Variants in SEM1 observed in about 807,000 individuals in gnomAD.
The protein encoded by SEM1 is 26S proteasome complex subunit SEM1.
SEM1 carries 3 observed loss-of-function variants against 12.7 expected under a neutral mutation model. The ratio of observed to expected loss-of-function variants is 0.24; its 90% CI spans 0.11 to 0.61. The LOEUF is 0.61. Among genes scored for constraint, SEM1 ranks in the 20% least tolerant of loss-of-function variants. The pLI, the probability that SEM1 is intolerant of heterozygous loss-of-function variation, is 0.88. For missense variants in SEM1, 59 were observed against 81.3 expected (o/e 0.73, Z 1.06); for synonymous variants, 30 against 27.8 (o/e 1.08, Z -0.25).
chr7:96,495,902 C>G (rs898865835), intron 1 of SEM1, among the ~76,000 whole-genome samples: 4 of 152,044 alleles, frequency 2.6e-5, no homozygotes, highest in African/African-American at 9.7e-5. Context: ...TGAGATCTAT[C>G]TCTCCCCCTC....
intron 1 of SEM1, chr7:96,697,043 T>C (rs1203893648): frequency 6.6e-6 from 1 of 151,970 alleles, no homozygotes; most frequent in African/African-American, 2.4e-5. Flanking sequence ...TCCTTCAATA[T>C]GTAGATGGCC....
At chr7:96,705,216 T>A (rs1790413069) in intron 1 of SEM1, among the ~76,000 whole-genome samples, 2 of 151,944 alleles carry the variant, frequency 1.3e-5, no homozygotes, top group East Asian at 1.9e-4. Context: ...AGTATTCTGC[T>A]CCTGATTTCT....
intron 2 of SEM1, among the ~76,000 whole-genome samples, chr7:96,527,455 G>T (rs898761695): frequency 3.3e-5 from 5 of 152,082 alleles, no homozygotes; most frequent in Non-Finnish European, 1.5e-5. Context: ...CCCAGGCTTG[G>T]GGAACAGGGA....
chr7:96,523,709 C>T (rs1184636058), intron 2 of SEM1, among the ~76,000 whole-genome samples: 1 of 152,120 alleles, frequency 6.6e-6, no homozygotes, highest in Non-Finnish European at 1.5e-5. Context: ...CAGCTATCAT[C>T]CTCAAAAACT....
chr7:96,635,433 G>A (rs1403692942), intron 2 of SEM1, among the ~76,000 whole-genome samples: 1 of 152,116 alleles, frequency 6.6e-6, no homozygotes, highest in Non-Finnish European at 1.5e-5. Context: ...ATGTTAGGGA[G>A]GCAAAGGAGT....
chr7:96,496,244 A>G (rs535592145), intron 1 of SEM1: 62 of 1,351,104 alleles, frequency 4.6e-5, no homozygotes, highest in Non-Finnish European at 5.9e-5. Context: ...ATTATATTTA[A>G]TAAAAGCCAC....
intron 2 of SEM1, among the ~76,000 whole-genome samples, chr7:96,689,619 C>T (rs773332375): frequency 3.3e-5 from 5 of 152,166 alleles, no homozygotes; most frequent in Non-Finnish European, 7.4e-5. Context: ...GCTTAGACAC[C>T]ACTACACTAT....
chr7:96,607,357 C>G (rs1407040351), intron 2 of SEM1, among the ~76,000 whole-genome samples: 1 of 152,176 alleles, frequency 6.6e-6, no homozygotes, highest in African/African-American at 2.4e-5. Context: ...CAGGATTTAT[C>G]TCAAATTGGA....
chr7:96,683,581 C>T (rs192121364), intron 2 of SEM1, among the ~76,000 whole-genome samples: 5 of 152,224 alleles, frequency 3.3e-5, no homozygotes, highest in South Asian at 2.1e-4. Context: ...CACATGCACA[C>T]GTATGTTTAT....
intron 2 of SEM1, among the ~76,000 whole-genome samples, chr7:96,692,235 T>C (rs1789950469): frequency 6.6e-6 from 1 of 152,210 alleles, no homozygotes; most frequent in Admixed American, 6.5e-5. Flanking sequence ...GTAAAAATTA[T>C]AGTATTCAAC....
At chr7:96,668,858 G>A (rs565561458), downstream of SEM1, among the ~76,000 whole-genome samples, 33 of 152,266 alleles carry the variant, frequency 2.2e-4, no homozygotes, top group South Asian at 6.4e-3. Flanking sequence ...TGGAGTAGAC[G>A]GGTCCATCAG....
At chr7:96,558,352 G>T (rs1334766758) in intron 2 of SEM1, 1 of 152,274 alleles carries the variant, frequency 6.6e-6, no homozygotes, top group Non-Finnish European at 1.5e-5. Flanking sequence ...TGTTACACAT[G>T]TGAGAATACA....
At chr7:96,520,633 A>C (rs1163750190) in intron 2 of SEM1, among the ~76,000 whole-genome samples, 1 of 152,066 alleles carries the variant, frequency 6.6e-6, no homozygotes, top group Non-Finnish European at 1.5e-5. Context: ...GGTAGGGAGA[A>C]GTTTCGGAAG....
At chr7:96,593,989 A>G (rs1285109405) in intron 2 of SEM1, among the ~76,000 whole-genome samples, 2 of 104,266 alleles carry the variant, frequency 1.9e-5, no homozygotes, top group Non-Finnish European at 4.2e-5. Flanking sequence ...TGAAAAATAT[A>G]TTATTAACAA....
intron 2 of SEM1, among the ~76,000 whole-genome samples, chr7:96,528,079 A>T (rs1804524882): frequency 6.6e-6 from 1 of 152,122 alleles, no homozygotes; most frequent in Admixed American, 6.6e-5. Context: ...ACTGCTTTTT[A>T]ATCTCTCAGG....
rs184986495 is a variant in SEM1, at chr7:96,702,012, G to A, written c.77-7121C>T. Reference sequence around the variant, plus strand: ...CGAAGTCACCCACACTAGAGGATGGGAGGGTGGCCTGGCATAAAATGTGGA... The same window carrying A: ...CGAAGTCACCCACACTAGAGGATGGAAGGGTGGCCTGGCATAAAATGTGGA... On this transcript the variant is annotated intron_variant, in intron 1 of 2. Coordinates refer to ENST00000248566, the MANE Select transcript of SEM1 (RefSeq NM_006304.2). 9.2e-5 allele frequency among the ~76,000 whole-genome samples: 14 copies of A among 152,238 alleles called. 1 individual carries two copies. Among genetic ancestry groups the A allele is most frequent in the Admixed American group, 7.2e-4 (11 of 15,288 alleles).
chr7:96,582,212 T>G (rs1347048908), intron 2 of SEM1, among the ~76,000 whole-genome samples: 1 of 151,152 alleles, frequency 6.6e-6, no homozygotes, highest in East Asian at 1.9e-4. Flanking sequence ...AGGCCTTTTC[T>G]GCATCTATTG....
At chr7:96,520,219 CT>C (rs1479846679) in intron 2 of SEM1, among the ~76,000 whole-genome samples, 1 of 152,154 alleles carries the variant, frequency 6.6e-6, no homozygotes, top group East Asian at 1.9e-4. Flanking sequence ...TGAGATAAGA[CT>C]TTGGCAGGAA....
chr7:96,558,249 G>T (rs182531619), intron 2 of SEM1: 1 of 152,978 alleles, frequency 6.5e-6, no homozygotes. Context: ...GCTGATGCAT[G>T]TCCATGGCTG....
Sources: gnomAD v4.1 joint callset for allele counts (sites outside exome capture counted in the v4.1 genomes callset) on GRCh38, gnomAD v4.1.1 for gene constraint, MANE v1.5 for transcripts, NCBI Gene and HGNC (gene_info 2026-07-23, HGNC 2026-07-21) for gene names.